Variants in CACNA1H observed in about 807,000 individuals in gnomAD.
The protein encoded by CACNA1H is calcium voltage-gated channel subunit alpha1 H, also known as voltage-dependent T-type calcium channel subunit alpha-1H.
Under a neutral mutation model 192.5 loss-of-function variants are expected in CACNA1H, and 149 were observed. That is an observed-to-expected ratio of 0.77 (90% CI 0.68 to 0.89). CACNA1H has a LOEUF of 0.89. CACNA1H is among the 40% of genes least tolerant of loss of function. The pLI is 0.00. For synonymous variants in CACNA1H, 2,202 were observed against 1,475.2 expected (o/e 1.49, Z -11.29); for missense variants, 4,257 against 3,423.5 (o/e 1.24, Z -6.08).
intron 2 of CACNA1H, among the ~76,000 whole-genome samples, chr16:1,189,243 TGCCAGCTGGGGAGGCCCA>T (rs1043396730): frequency 1.3e-5 from 2 of 151,844 alleles, no homozygotes; most frequent in Non-Finnish European, 2.9e-5. Context: ...TCTTCATGGG[TGCCAGCTGGGGAGGCCCA>T]GCCCCTGGCA....
chr16:1,216,060 G>A (rs1332496642), intron 30 of CACNA1H, among the ~76,000 whole-genome samples: 1 of 152,126 alleles, frequency 6.6e-6, no homozygotes, highest in Non-Finnish European at 1.5e-5. Flanking sequence ...CCAACACGTT[G>A]TCCCGTCCGT....
chr16:1,220,826 GGCCATAGT>G lies in CACNA1H; in HGVS notation c.6898_6905del (p.Ile2300ProfsTer14). The G allele has an allele frequency of 3.7e-6, 6 of 1,612,780 alleles. No individual in the cohort carries two copies. The highest frequency in any genetic ancestry group is 5.1e-6 in the Non-Finnish European group (6 of 1,179,808). ...CAGAATCCAGAGCTTCCTCTTCAGG[GGCCATAGT>G]GCCCCTGGAACCCCCAGAATCAGAG... On this transcript the variant is annotated frameshift_variant, in exon 35 of 35. Transcript: ENST00000348261. LOFTEE classifies it low-confidence loss of function (END_TRUNC).
intron 2 of CACNA1H, among the ~76,000 whole-genome samples, chr16:1,188,018 T>C (rs144112544): frequency 6.6e-6 from 1 of 152,244 alleles, no homozygotes; most frequent in Non-Finnish European, 1.5e-5. Context: ...TGCAGGAAGG[T>C]CTGCATAAAA....
At position 1,220,194 on chromosome 16, in the gene CACNA1H, G is replaced by A. The variant is rs779925007; in HGVS notation, c.6262G>A (p.Gly2088Arg). 2.1e-5 allele frequency: 32 copies of A among 1,540,768 alleles called. No individual in the cohort carries two copies. The highest frequency in any genetic ancestry group is 3.4e-4 in the Middle Eastern group (2 of 5,816). ...CTCCAGCCGGCCGGCGGCCCCAGGC[G>A]GAGAGGAGGCCGAGGCCTCGGACCC... Reference protein sequence around the residue: ...CVSSRPAAPGGEEAEASDPAD... With the variant: ...CVSSRPAAPGREEAEASDPAD... Residue 2088 changes from glycine to arginine, a missense_variant, in exon 35 of 35, where the codon GGA becomes AGA. By Grantham distance (125) the Gly-to-Arg change is moderately radical. Coordinates refer to ENST00000348261, the MANE Select transcript of CACNA1H (RefSeq NM_021098.3).
At chr16:1,195,904 TC>T (rs1481380915) in intron 4 of CACNA1H, 21 bp from the exon 5 acceptor site, 2 of 1,590,360 alleles carry the variant, frequency 1.3e-6, no homozygotes. Context: ...GTTGAGCTGC[TC>T]CCCCTCGGCC....
Position 1,153,974 on chromosome 16 carries a change from C to A in CACNA1H, c.237C>A (p.Val79=). The change falls in exon 2 of 35, where the codon GTC becomes GTA. Residue 79 remains valine, a synonymous_variant. Transcript: ENST00000348261. The part of the protein sequence containing the change: ...RVPYPALAAT[V]FFCLGQTTRP... ...CGTACCCGGCCTTGGCGGCCACGGT[C>A]TTCTTCTGCCTCGGTCAGACCACGC... The A allele has an allele frequency of 6.9e-7, 1 of 1,448,274 alleles. No individual in the cohort carries two copies. Among genetic ancestry groups the A allele is most frequent in the Non-Finnish European group, 9.1e-7 (1 of 1,100,576 alleles). 89.7% of individuals were successfully genotyped at this position (1,448,274 alleles called of 1,614,324 possible).
At chr16:1,158,980 G>A (rs1452957680) in intron 2 of CACNA1H, among the ~76,000 whole-genome samples, 2 of 152,202 alleles carry the variant, frequency 1.3e-5, no homozygotes, top group African/African-American at 2.4e-5. Flanking sequence ...TCCGTCTGTC[G>A]CCCGGATCCT....
In CACNA1H at chr16:1,220,517, AC is replaced by A; in HGVS notation, c.6590del (p.Pro2197LeufsTer20). 2.0e-6 allele frequency: 3 copies of A among 1,536,452 alleles called. No individual in the cohort carries two copies. Among genetic ancestry groups the A allele is most frequent in the South Asian group, 1.3e-5 (1 of 77,196 alleles). On this transcript the variant is annotated frameshift_variant, in exon 35 of 35. Transcript: ENST00000348261. LOFTEE classifies it low-confidence loss of function (END_TRUNC). ...KMSPPCISVE[P>X]PAEDEGSARP... ...TGAGCCCCCCCTGCATCTCGGTGGA[AC>A]CCCCTGCGGAGGACGAGGGCTCTGC...
intron 2 of CACNA1H, among the ~76,000 whole-genome samples, chr16:1,156,553 G>A (rs139650417): frequency 5.3e-5 from 8 of 152,270 alleles, no homozygotes; most frequent in East Asian, 3.9e-4. Context: ...GGCGGTGGGC[G>A]ACTGGTGTGG....
chr16:1,201,276 G>A (rs534665834), intron 8 of CACNA1H, among the ~76,000 whole-genome samples: 8 of 152,282 alleles, frequency 5.3e-5, no homozygotes, highest in East Asian at 1.9e-4. Flanking sequence ...GAGAGCAAGC[G>A]AAGCGAACGA....
chr16:1,187,601 C>G (rs1369371651), intron 2 of CACNA1H, among the ~76,000 whole-genome samples: 1 of 152,230 alleles, frequency 6.6e-6, no homozygotes, highest in Non-Finnish European at 1.5e-5. Flanking sequence ...TCCCGATCCT[C>G]CCAGCTGCAG....
chr16:1,188,038 G>A (rs1362745819), intron 2 of CACNA1H, among the ~76,000 whole-genome samples: 3 of 152,188 alleles, frequency 2.0e-5, no homozygotes, highest in South Asian at 2.1e-4. Flanking sequence ...ACCTGTCAGC[G>A]CCAGAAAGAT....
At chr16:1,195,200 G>A in intron 3 of CACNA1H, 117 bp downstream of exon 3, 1 of 904,516 alleles carries the variant, frequency 1.1e-6, no homozygotes, top group Non-Finnish European at 1.7e-6. Flanking sequence ...GTGGGTCAGG[G>A]TCGGGGATCA....
chr16:1,156,513 G>A (rs1346185280), intron 2 of CACNA1H, among the ~76,000 whole-genome samples: 1 of 152,206 alleles, frequency 6.6e-6, no homozygotes, highest in Non-Finnish European at 1.5e-5. Flanking sequence ...CTGGGAGTTG[G>A]GAGGGGGAGG....
At chr16:1,159,226 C>T (rs917175990) in intron 2 of CACNA1H, among the ~76,000 whole-genome samples, 1 of 152,132 alleles carries the variant, frequency 6.6e-6, no homozygotes, top group Non-Finnish European at 1.5e-5. Context: ...TGGCCTGAGC[C>T]CTGTGACCGA....
At chr16:1,185,667 G>A (rs1456928904) in intron 2 of CACNA1H, among the ~76,000 whole-genome samples, 15 of 135,432 alleles carry the variant, frequency 1.1e-4, no homozygotes, top group East Asian at 2.3e-4. Flanking sequence ...CATAGGGGCC[G>A]GAGGCGGGGT....
At position 1,195,071 on chromosome 16, in the gene CACNA1H, C is replaced by T; in HGVS notation, c.399C>T (p.Cys133=). 1 of 1,599,362 alleles carries T rather than the reference C, an allele frequency of 6.3e-7. No homozygotes were observed. Among genetic ancestry groups the T allele is most frequent in the Non-Finnish European group, 8.5e-7 (1 of 1,170,948 alleles). ...ACGTTGAGTGCGGCTCCGAGCGCTG[C>T]AACATCCTGGAGGTGAGGGGCGTGG... ...CEDVECGSER[C]NILEAFDAFI... is the part of the protein sequence containing the mutation. Residue 133 remains cysteine, a synonymous_variant, in exon 3 of 35, where the codon TGC becomes TGT. Transcript: ENST00000348261.
At chr16:1,155,155 C>T (rs534598655) in intron 2 of CACNA1H, among the ~76,000 whole-genome samples, 7 of 152,386 alleles carry the variant, frequency 4.6e-5, no homozygotes, top group African/African-American at 4.8e-5. Context: ...GCCCGTGTTT[C>T]TCCTTTCTCA....
chr16:1,191,040 C>T (rs557787254), intron 2 of CACNA1H, among the ~76,000 whole-genome samples: 107 of 130,340 alleles, frequency 8.2e-4, no homozygotes, highest in Middle Eastern at 6.7e-3. Context: ...GGTCTCTGAC[C>T]CAGCAGGCTG....
Sources: gnomAD v4.1 joint callset for allele counts (sites outside exome capture counted in the v4.1 genomes callset) on GRCh38, gnomAD v4.1.1 for gene constraint, MANE v1.5 for transcripts, NCBI Gene and HGNC (gene_info 2026-07-23, HGNC 2026-07-21) for gene names.